RUFY3: variants seen among roughly 807,000 people sequenced by gnomAD.
RUFY3 encodes protein RUFY3.
In RUFY3, 34 loss-of-function variants were observed where a neutral mutation model predicts 84.0. The ratio of observed to expected loss-of-function variants is 0.40; its 90% CI spans 0.31 to 0.54. RUFY3 has a LOEUF of 0.54. Among genes scored for constraint, RUFY3 ranks in the 20% least tolerant of loss-of-function variants. RUFY3 has a pLI of 0.39. For synonymous variants in RUFY3, 242 were observed against 252.9 expected, an observed-to-expected ratio of 0.96 and a Z score of 0.41; for missense variants, 507 against 736.8, an observed-to-expected ratio of 0.69 and a Z score of 3.61.
At chr4:70,769,988 A>AT (rs1726687464) in intron 5 of RUFY3, among the ~76,000 whole-genome samples, 1 of 151,856 alleles carries the variant, frequency 6.6e-6, no homozygotes, top group Non-Finnish European at 1.5e-5. Flanking sequence ...CACCTAGCTA[A>AT]TTTTTTTATT....
intron 10 of RUFY3, among the ~76,000 whole-genome samples, chr4:70,785,273 G>A (rs1211966940): frequency 1.3e-5 from 2 of 151,442 alleles, no homozygotes; most frequent in African/African-American, 4.9e-5. Flanking sequence ...ATTTTTAGCT[G>A]TTATTTCTGA....
In RUFY3 at chr4:70,768,662, G is replaced by A; in HGVS notation, c.696+1G>A. On this transcript the variant is annotated splice_donor_variant, in intron 5 of 17. Coordinates refer to ENST00000381006, the MANE Select transcript of RUFY3 (RefSeq NM_001037442.4). LOFTEE classifies it high-confidence loss of function. ...GAAAGGAGAAGACTTGGACTCTCAG[G>A]TATGGGAAAGAGACTCATTCCCATG... 1.2e-6 allele frequency: 2 copies of A among 1,612,628 alleles called. No individual in the cohort carries two copies. The highest frequency in any genetic ancestry group is 1.3e-5 in the African/African-American group (1 of 74,922).
chr4:70,722,425 T>C lies in RUFY3; in HGVS notation c.-149T>C. On this transcript the variant is annotated 5_prime_UTR_variant, in exon 1 of 18. Transcript: ENST00000381006. ...ATAAGGTATTTTTCCTTTTTTTTTT[T>C]TTTAAACCTCCCCCACCCTTTTCCT... 1.5e-6 allele frequency: 2 copies of C among 1,355,006 alleles called. No individual in the cohort carries two copies. The highest frequency in any genetic ancestry group is 9.5e-7 in the Non-Finnish European group (1 of 1,052,024). 83.9% of individuals were successfully genotyped at this position (1,355,006 alleles called of 1,614,324 possible).
chr4:70,788,224 G>T (rs1730226501), intron 10 of RUFY3, among the ~76,000 whole-genome samples: 1 of 151,568 alleles, frequency 6.6e-6, no homozygotes, highest in African/African-American at 2.4e-5. Context: ...GGTGGAGGTT[G>T]CAGTGAGCCA....
rs1261399434 is a variant in RUFY3 at position 70,722,424 on chromosome 4, T to C, written c.-150T>C. The C allele has an allele frequency of 7.4e-7, 1 of 1,354,268 alleles. No homozygotes were observed. The highest frequency in any genetic ancestry group is 9.5e-7 in the Non-Finnish European group (1 of 1,051,646). The allele number at this position is 1,354,268 out of a possible 1,614,324, so 83.9% of individuals were successfully genotyped here. ...TATAAGGTATTTTTCCTTTTTTTTTTTTTTAAACCTCCCCCACCCTTTTCC... is the reference window on the plus strand; with the variant it reads ...TATAAGGTATTTTTCCTTTTTTTTTCTTTTAAACCTCCCCCACCCTTTTCC... On this transcript the variant is annotated 5_prime_UTR_variant, in exon 1 of 18. Transcript: ENST00000381006.
chr4:70,791,784 A>G (rs1333488382), intron 12 of RUFY3: 20 of 986,808 alleles, frequency 2.0e-5, no homozygotes, highest in Admixed American at 6.1e-5. Flanking sequence ...CTCTTAGACC[A>G]TGACCCCTTT....
At position 70,808,062 on chromosome 4, in the gene RUFY3, T is replaced by C. The variant is rs1733010264; in HGVS notation, c.*1403T>C. ...TATAACCTACATACATCCTCCTGTGTACTTTAAATCATCTGAAGATGATTA... is the reference window on the plus strand; with the variant it reads ...TATAACCTACATACATCCTCCTGTGCACTTTAAATCATCTGAAGATGATTA... On this transcript the variant is annotated 3_prime_UTR_variant, in exon 18 of 18. Transcript: ENST00000381006. 6.6e-6 allele frequency among the ~76,000 whole-genome samples: 1 copy of C among 152,188 alleles called. No homozygotes were observed. Among genetic ancestry groups the C allele is most frequent in the Non-Finnish European group, 1.5e-5 (1 of 68,022 alleles).
chr4:70,762,069 A>G (rs1482220900), intron 1 of RUFY3, among the ~76,000 whole-genome samples: 1 of 152,032 alleles, frequency 6.6e-6, no homozygotes, highest in Non-Finnish European at 1.5e-5. Flanking sequence ...TTATCCCAAC[A>G]CTCTGGGAGG....
intron 11 of RUFY3, among the ~76,000 whole-genome samples, chr4:70,789,214 T>C (rs928251300): frequency 6.6e-6 from 1 of 152,152 alleles, no homozygotes; most frequent in Non-Finnish European, 1.5e-5. Context: ...TTTTATCCTA[T>C]AGGGTAATTT....
intron 2 of RUFY3, 28 bp downstream of exon 2, chr4:70,762,720 T>A: frequency 6.3e-7 from 1 of 1,586,860 alleles, no homozygotes; most frequent in Non-Finnish European, 8.6e-7. Flanking sequence ...AATGCAAATA[T>A]GCATGCAGCT....
At chr4:70,798,420 C>T (rs1731795330) in intron 14 of RUFY3, among the ~76,000 whole-genome samples, 1 of 151,954 alleles carries the variant, frequency 6.6e-6, no homozygotes, top group Admixed American at 6.6e-5. Context: ...ACATGGGCAG[C>T]AGTCGAAGGC....
At chr4:70,766,747 A>G (rs1025555851) in intron 4 of RUFY3, among the ~76,000 whole-genome samples, 7 of 152,184 alleles carry the variant, frequency 4.6e-5, no homozygotes, top group African/African-American at 1.7e-4. Flanking sequence ...CCCAAAGTTC[A>G]TAGTTCACAT....
At chr4:70,792,754 T>C (rs974509870) in intron 12 of RUFY3, 26 of 985,214 alleles carry the variant, frequency 2.6e-5, no homozygotes, top group Admixed American at 6.2e-5. Context: ...CTTATATAGG[T>C]CCCTGCACAG....
chr4:70,742,033 C>A (rs149303618), intron 1 of RUFY3, among the ~76,000 whole-genome samples: 1 of 152,138 alleles, frequency 6.6e-6, no homozygotes, highest in African/African-American at 2.4e-5. Context: ...CAAAAGCAAA[C>A]AGATCCCAGG....
intron 1 of RUFY3, among the ~76,000 whole-genome samples, chr4:70,747,476 G>A (rs563714263): frequency 2.0e-5 from 3 of 151,316 alleles, no homozygotes; most frequent in African/African-American, 7.3e-5. Context: ...CCATTTGTAC[G>A]GTAGCCACTG....
chr4:70,784,924 G>A (rs371993607), intron 10 of RUFY3, 45 bp downstream of exon 10: 3 of 1,356,048 alleles, frequency 2.2e-6, no homozygotes, highest in Non-Finnish European at 3.0e-6. Flanking sequence ...ATATTAAAAG[G>A]TAACTGCCCA....
At chr4:70,761,864 T>C (rs1725088775) in intron 1 of RUFY3, among the ~76,000 whole-genome samples, 1 of 152,188 alleles carries the variant, frequency 6.6e-6, no homozygotes, top group African/African-American at 2.4e-5. Flanking sequence ...CTTTTTTTCC[T>C]ACATTGGGGC....
intron 1 of RUFY3, among the ~76,000 whole-genome samples, chr4:70,756,930 A>T (rs933500310): frequency 5.3e-5 from 8 of 152,158 alleles, no homozygotes; most frequent in African/African-American, 1.9e-4. Flanking sequence ...AAATGTAGAA[A>T]ACTAACATTT....
upstream of RUFY3, among the ~76,000 whole-genome samples, chr4:70,717,873 ATTTTT>A (rs1165078654): frequency 0.022 from 1,839 of 82,200 alleles, 9 homozygotes; most frequent in Middle Eastern, 0.05. Context: ...TTGACATGGT[ATTTTT>A]TTTTTTTTTT....
Sources: allele counts gnomAD v4.1 joint callset (sites outside exome capture counted in the v4.1 genomes callset), GRCh38; gene constraint gnomAD v4.1.1; transcripts MANE v1.5; gene names NCBI Gene and HGNC (gene_info 2026-07-23, HGNC 2026-07-21).